IKZF3: variants seen among roughly 807,000 people sequenced by gnomAD.
IKZF3 encodes zinc finger protein Aiolos.
A neutral mutation model predicts 49.0 loss-of-function variants in IKZF3; 10 were observed. The ratio of observed to expected loss-of-function variants is 0.20; its 90% CI spans 0.13 to 0.35. The LOEUF (loss-of-function observed/expected upper bound fraction) is 0.35. IKZF3 is among the 10% of genes least tolerant of loss of function. The pLI is 1.00. For synonymous variants in IKZF3, 209 were observed against 228.2 expected (o/e 0.92, Z 0.76); for missense variants, 498 against 664.8 (o/e 0.75, Z 2.76).
In IKZF3 at chr17:39,762,782, G is replaced by T. The variant is rs570580767; in HGVS notation, c.*3008C>A. The T allele has an allele frequency of 9.8e-5, 15 of 152,612 alleles. No homozygotes were observed. The highest frequency in any genetic ancestry group is 3.4e-4 in the African/African-American group (14 of 41,584). 9.5% of individuals were successfully genotyped at this position (152,612 alleles called of 1,614,324 possible). ...AGCACCTGTAATCCCAGCTACTTGG[G>T]AGGCTGAGGCAGGAGAATTGCTTGA... On this transcript the variant is annotated 3_prime_UTR_variant, in exon 8 of 8. Transcript: ENST00000346872.
chr17:39,851,564 A>G (rs974430086), intron 1 of IKZF3, among the ~76,000 whole-genome samples: 1 of 152,150 alleles, frequency 6.6e-6, no homozygotes, highest in Non-Finnish European at 1.5e-5. Context: ...ACCCCAGAAA[A>G]GCATATATTG....
intron 3 of IKZF3, among the ~76,000 whole-genome samples, chr17:39,813,483 G>GAA (rs562486062): frequency 6.9e-6 from 1 of 145,392 alleles, no homozygotes. Flanking sequence ...CGTATCTACA[G>GAA]AAAAAAAAAA....
At chr17:39,860,723 G>A (rs2063192688) in intron 1 of IKZF3, among the ~76,000 whole-genome samples, 1 of 152,164 alleles carries the variant, frequency 6.6e-6, no homozygotes, top group Admixed American at 6.5e-5. Flanking sequence ...ACCCCAAAAT[G>A]GGGAAGGGTG....
rs2061817523 is a variant in IKZF3, at chr17:39,821,800, C to T, written c.163+7587G>A. ...GAGTCCAGGTAGGGGAGGGCAAAAC[C>T]AAGAAACTACTGAAACCAGGGGGTA... On this transcript the variant is annotated intron_variant, in intron 3 of 7. Coordinates refer to ENST00000346872, the MANE Select transcript of IKZF3 (RefSeq NM_012481.5). 3.9e-5 allele frequency among the ~76,000 whole-genome samples: 6 copies of T among 152,106 alleles called. No individual in the cohort carries two copies. The South Asian group carries it at 1.2e-3, about 31-fold the overall frequency.
At chr17:39,853,858 G>A (rs987190293) in intron 1 of IKZF3, among the ~76,000 whole-genome samples, 2 of 150,944 alleles carry the variant, frequency 1.3e-5, no homozygotes, top group South Asian at 2.1e-4. Context: ...GGAAGAACAC[G>A]GTGGCTCACG....
chr17:39,769,054 G>A lies in IKZF3; in HGVS notation c.827-2561C>T, dbSNP rs537870071. Among the ~76,000 whole-genome samples the A allele has an allele frequency of 2.0e-5, 3 of 152,260 alleles. No individual in the cohort carries two copies. In the East Asian group the frequency reaches 5.8e-4, roughly 29 times the overall value. On this transcript the variant is annotated intron_variant, in intron 7 of 7. Coordinates refer to ENST00000346872, the MANE Select transcript of IKZF3 (RefSeq NM_012481.5). ...TGATCCAGGAGACTGAAAGAGAACTGGAAAGAAAATAATTATCCTGCTGTG... is the reference window on the plus strand; with the variant it reads ...TGATCCAGGAGACTGAAAGAGAACTAGAAAGAAAATAATTATCCTGCTGTG...
chr17:39,786,014 A>G (rs35932672), intron 6 of IKZF3, among the ~76,000 whole-genome samples: 3,084 of 152,322 alleles, frequency 0.02, 107 homozygotes, highest in African/African-American at 0.071. Flanking sequence ...GCAAATCCAT[A>G]GAGACAGAAA....
intron 3 of IKZF3, among the ~76,000 whole-genome samples, chr17:39,797,154 G>T: frequency 6.7e-6 from 1 of 149,566 alleles, no homozygotes; most frequent in Non-Finnish European, 1.5e-5. Flanking sequence ...GACAAAGTGA[G>T]ACTCCGTCTC....
intron 7 of IKZF3, among the ~76,000 whole-genome samples, chr17:39,769,902 G>A (rs2060394122): frequency 6.6e-6 from 1 of 152,172 alleles, no homozygotes; most frequent in Non-Finnish European, 1.5e-5. Flanking sequence ...TGCTAAAATT[G>A]TAAAAGGCAA....
chr17:39,791,563 T>C lies in IKZF3; in HGVS notation c.445A>G (p.Asn149Asp), dbSNP rs1567983692. Residue 149 changes from asparagine (N) to aspartate (D), a missense_variant, in exon 5 of 8, where the codon AAT (asparagine) becomes GAT (aspartate). Coordinates refer to ENST00000346872, the MANE Select transcript of IKZF3 (RefSeq NM_012481.5). ...TGAGTAAAAGATGCCCCACACTGAT[T>C]ACACTGGAATGGGCGTTCACCTTTA... Reference protein sequence around the residue: ...SHTGERPFQCNQCGASFTQKG... With the variant: ...SHTGERPFQCDQCGASFTQKG... 1 of 1,613,934 alleles carries C rather than the reference T, an allele frequency of 6.2e-7. No homozygotes were observed. The highest frequency in any genetic ancestry group is 8.5e-7 in the Non-Finnish European group (1 of 1,179,964).
At chr17:39,769,623 C>T (rs530268554) in intron 7 of IKZF3, among the ~76,000 whole-genome samples, 1 of 152,288 alleles carries the variant, frequency 6.6e-6, no homozygotes, top group East Asian at 1.9e-4. Flanking sequence ...GAATGTGACA[C>T]AGAAATGATG....
intron 1 of IKZF3, 31 bp from the exon 2 acceptor site, chr17:39,832,182 A>T: frequency 6.6e-7 from 1 of 1,523,870 alleles, no homozygotes; most frequent in South Asian, 1.1e-5. Context: ...AATATTAGCT[A>T]CTTAGGGTAC....
chr17:39,774,436 G>A (rs2060526627), intron 7 of IKZF3, among the ~76,000 whole-genome samples: 1 of 151,962 alleles, frequency 6.6e-6, no homozygotes, highest in Non-Finnish European at 1.5e-5. Context: ...GTGAGGTGAG[G>A]CGAGGCAAGG....
chr17:39,787,215 T>C (rs1161462707), intron 6 of IKZF3, among the ~76,000 whole-genome samples: 1 of 152,162 alleles, frequency 6.6e-6, no homozygotes, highest in Non-Finnish European at 1.5e-5. Flanking sequence ...GACAGCCAAC[T>C]CAATGGGACA....
chr17:39,793,059 A>G, intron 3 of IKZF3, 126 bp from the exon 4 acceptor site: 3 of 948,332 alleles, frequency 3.2e-6, no homozygotes, highest in East Asian at 4.9e-5. Flanking sequence ...CTGTACATCT[A>G]CAAAACAAGA....
chr17:39,834,475 C>A (rs754993483), intron 1 of IKZF3, among the ~76,000 whole-genome samples: 2 of 152,166 alleles, frequency 1.3e-5, no homozygotes, highest in Non-Finnish European at 1.5e-5. Flanking sequence ...TAATTTCCCT[C>A]GAGTCTTCTG....
rs571278602 is a variant in IKZF3, at chr17:39,770,859, G to A, written c.827-4366C>T. On this transcript the variant is annotated intron_variant, in intron 7 of 7. Coordinates refer to ENST00000346872, the MANE Select transcript of IKZF3 (RefSeq NM_012481.5). ...CTTGCTCTGTCACCCAGGATGGAGT[G>A]CAATGGTACGATCTCGACTCACTGC... 6.7e-5 allele frequency among the ~76,000 whole-genome samples: 10 copies of A among 149,456 alleles called. No homozygotes were observed. The East Asian group carries it at 1.8e-3, about 26-fold the overall frequency.
At chr17:39,782,673 T>C (rs537889878) in intron 6 of IKZF3, among the ~76,000 whole-genome samples, 25 of 151,978 alleles carry the variant, frequency 1.6e-4, no homozygotes, top group Non-Finnish European at 2.9e-4. Context: ...AACAAGATAA[T>C]GGGTTTAAAT....
Position 39,760,051 on chromosome 17 carries a change from C to T in IKZF3, c.*5739G>A, listed in dbSNP as rs2060144408. ...CAAATCTCTGCTAGAGTCCAACATA[C>T]CTCTTCTCAGTGGGGTACTCTTTAA... On this transcript the variant is annotated 3_prime_UTR_variant, in exon 8 of 8. Coordinates refer to ENST00000346872, the MANE Select transcript of IKZF3 (RefSeq NM_012481.5). The T allele has an allele frequency of 6.6e-6, 1 of 152,144 alleles. No individual in the cohort carries two copies. Among genetic ancestry groups the T allele is most frequent in the Admixed American group, 6.5e-5 (1 of 15,272 alleles). The allele number at this position is 152,144 out of a possible 1,614,324, so 9.4% of individuals were successfully genotyped here. A position where few individuals can be genotyped will look rare whatever the true frequency, so the allele number is the denominator to read the frequency against.
Sources: allele counts gnomAD v4.1 joint callset (sites outside exome capture counted in the v4.1 genomes callset), GRCh38; gene constraint gnomAD v4.1.1; transcripts MANE v1.5; gene names NCBI Gene and HGNC (gene_info 2026-07-23, HGNC 2026-07-21).